The following UBAC2 variants were observed in gnomAD, a reference collection of about 807,000 sequenced individuals.
UBAC2 encodes the protein ubiquitin-associated domain-containing protein 2.
Under a neutral mutation model 44.0 loss-of-function variants are expected in UBAC2, and 26 were observed. The observed-to-expected ratio is 0.59, with a 90% confidence interval of 0.43 to 0.82. UBAC2 has a LOEUF of 0.82. UBAC2 is among the 40% of genes least tolerant of loss of function. The pLI is 0.00. For missense variants in UBAC2, 329 were observed against 419.4 expected (o/e 0.78, Z 1.88); for synonymous variants, 155 against 154.3 (o/e 1.00, Z -0.04).
Position 99,255,294 on chromosome 13 carries a change from T to C in UBAC2, c.389+10670T>C, listed in dbSNP as rs533174058. On this transcript the variant is annotated intron_variant, in intron 4 of 8. Transcript: ENST00000403766. The stretch of plus-strand genomic sequence containing the variant: ...TGAACAAAGGAATCAAGAAAAAAAA[T>C]GTCAGTCGAGTGAGGTTCAGCACGT... 3 of 1,613,752 alleles carry C rather than the reference T, an allele frequency of 1.9e-6. No homozygotes were observed. The African/African-American group carries it at 4.0e-5, about 22-fold the overall frequency.
intron 1 of UBAC2, among the ~76,000 whole-genome samples, chr13:99,211,561 A>G (rs2142655902): frequency 6.6e-6 from 1 of 152,334 alleles, no homozygotes; most frequent in East Asian, 1.9e-4. Context: ...CAGTTTACCT[A>G]TATTGACTCA....
intron 4 of UBAC2, chr13:99,258,126 A>G (rs2043599724): frequency 6.6e-6 from 1 of 152,254 alleles, no homozygotes; most frequent in African/African-American, 2.4e-5. Flanking sequence ...TTTGACAATA[A>G]TCATGAAGTT....
chr13:99,362,213 T>C (rs1438359022), intron 7 of UBAC2, among the ~76,000 whole-genome samples: 1 of 152,260 alleles, frequency 6.6e-6, no homozygotes, highest in Admixed American at 6.5e-5. Flanking sequence ...GTAAATCTAA[T>C]TCATTTATTG....
In UBAC2 at chr13:99,295,261, G is replaced by A. The variant is rs2044151703; in HGVS notation, c.390-18836G>A. On this transcript the variant is annotated intron_variant, in intron 4 of 8. Coordinates refer to ENST00000403766, the MANE Select transcript of UBAC2 (RefSeq NM_001144072.2). This position sits in a 1 kb window ranked among gnomAD's most constrained non-coding sequence, Gnocchi z 4.1. ...CCATGCAGCAATTGAAGTTCATCAG[G>A]CATACTGTAAAGTGCAGAGAAATCT... 1.2e-6 allele frequency: 2 copies of A among 1,614,084 alleles called. No homozygotes were observed. The highest frequency in any genetic ancestry group is 1.3e-5 in the African/African-American group (1 of 75,028).
intron 4 of UBAC2, among the ~76,000 whole-genome samples, chr13:99,284,187 T>C (rs780758311): frequency 5.3e-5 from 8 of 152,226 alleles, no homozygotes; most frequent in Admixed American, 2.6e-4. Flanking sequence ...ATTCAAACTT[T>C]GCTGCTAAAA....
chr13:99,229,976 T>C (rs2043154535), intron 1 of UBAC2, among the ~76,000 whole-genome samples: 1 of 152,218 alleles, frequency 6.6e-6, no homozygotes, highest in Non-Finnish European at 1.5e-5. Flanking sequence ...ACCTTGTGAA[T>C]TGTCATACAC....
At chr13:99,276,919 C>T (rs1328992795) in intron 4 of UBAC2, among the ~76,000 whole-genome samples, 1 of 152,198 alleles carries the variant, frequency 6.6e-6, no homozygotes, top group Non-Finnish European at 1.5e-5. Context: ...CAGGGGGTGG[C>T]TGTGCAGTGC....
intron 1 of UBAC2, among the ~76,000 whole-genome samples, chr13:99,222,240 AG>A (rs1371482114): frequency 6.6e-6 from 1 of 152,238 alleles, no homozygotes; most frequent in Non-Finnish European, 1.5e-5. Flanking sequence ...TAAATTAACC[AG>A]GATGATGCAC....
At chr13:99,222,048 G>A (rs1453727233) in intron 1 of UBAC2, among the ~76,000 whole-genome samples, 1 of 152,196 alleles carries the variant, frequency 6.6e-6, no homozygotes, top group Non-Finnish European at 1.5e-5. Flanking sequence ...AACCGTGTAA[G>A]TAATTCATTC....
intron 6 of UBAC2, among the ~76,000 whole-genome samples, chr13:99,319,186 T>C (rs2044536267): frequency 6.6e-6 from 1 of 152,230 alleles, no homozygotes; most frequent in African/African-American, 2.4e-5. Context: ...TAATAAGCGT[T>C]TGTCCTAAAT....
chr13:99,247,929 G>A (rs1342169221), intron 4 of UBAC2, among the ~76,000 whole-genome samples: 2 of 150,482 alleles, frequency 1.3e-5, no homozygotes, highest in Non-Finnish European at 1.5e-5. Flanking sequence ...GTCACCAGTG[G>A]CCACCTAATT....
Position 99,223,221 on chromosome 13 carries a change from T to C in UBAC2, c.32-15206T>C, listed in dbSNP as rs141808699. The stretch of plus-strand genomic sequence containing the variant: ...ATACATAACATAAAACTTACTGTTT[T>C]AACTATTTTTAAGTGTACAGTTCAG... On this transcript the variant is annotated intron_variant, in intron 1 of 8. Coordinates refer to ENST00000403766, the MANE Select transcript of UBAC2 (RefSeq NM_001144072.2). 2.5e-3 allele frequency among the ~76,000 whole-genome samples: 375 copies of C among 152,318 alleles called. 1 individual carries two copies. Among genetic ancestry groups the C allele is most frequent in the Non-Finnish European group, 4.3e-3 (291 of 68,010 alleles).
intron 1 of UBAC2, among the ~76,000 whole-genome samples, chr13:99,235,420 GA>G (rs767040986): frequency 1.3e-5 from 2 of 150,738 alleles, no homozygotes; most frequent in Admixed American, 6.6e-5. Flanking sequence ...CACAGAAATA[GA>G]AAAAAAAATC....
intron 4 of UBAC2, among the ~76,000 whole-genome samples, chr13:99,297,238 A>G (rs574928267): frequency 6.6e-6 from 1 of 152,210 alleles, no homozygotes; most frequent in Non-Finnish European, 1.5e-5. Context: ...TTAAAGCAGG[A>G]AGAACAGAGC....
At chr13:99,282,130 T>A (rs2043961986) in intron 4 of UBAC2, among the ~76,000 whole-genome samples, 1 of 152,208 alleles carries the variant, frequency 6.6e-6, no homozygotes, top group African/African-American at 2.4e-5. Context: ...ATCACTGGCC[T>A]CCACCCAGTG....
intron 7 of UBAC2, among the ~76,000 whole-genome samples, chr13:99,349,937 G>A (rs1167543526): frequency 6.6e-6 from 1 of 152,082 alleles, no homozygotes. Context: ...CCCTTTCGCG[G>A]TCTGCTAAGT....
chr13:99,281,790 T>C (rs945221036), intron 4 of UBAC2, among the ~76,000 whole-genome samples: 3 of 152,206 alleles, frequency 2.0e-5, no homozygotes, highest in Admixed American at 1.3e-4. Context: ...TGAATCAAAG[T>C]GGCGTGCAGA....
intron 4 of UBAC2, among the ~76,000 whole-genome samples, chr13:99,272,213 G>T (rs896887508): frequency 1.4e-4 from 21 of 152,104 alleles, no homozygotes; most frequent in African/African-American, 3.4e-4. Flanking sequence ...CAAGTGCCTT[G>T]TGGGCCACTA....
intron 5 of UBAC2, among the ~76,000 whole-genome samples, chr13:99,317,650 G>A (rs1351398522): frequency 6.6e-6 from 1 of 152,152 alleles, no homozygotes; most frequent in Non-Finnish European, 1.5e-5. Context: ...CCAAGCATGG[G>A]ATGGTGATTA....
Sources: allele counts gnomAD v4.1 joint callset (sites outside exome capture counted in the v4.1 genomes callset), GRCh38; gene constraint gnomAD v4.1.1; non-coding constraint Gnocchi (gnomAD v3.1); transcripts MANE v1.5; gene names NCBI Gene and HGNC (gene_info 2026-07-23, HGNC 2026-07-21).